Variants in CEP170 observed in about 807,000 individuals in gnomAD.
CEP170 encodes centrosomal protein 170.
A neutral mutation model predicts 151.9 loss-of-function variants in CEP170; 21 were observed. The observed-to-expected ratio is 0.14, with a 90% CI of 0.10 to 0.20. The LOEUF (loss-of-function observed/expected upper bound fraction) is 0.20. Ranked by LOEUF, CEP170 falls within the 10% of genes least tolerant of loss-of-function variation. CEP170 has a pLI of 1.00. For missense variants in CEP170, 964 were observed against 1,892.9 expected, an observed-to-expected ratio of 0.51 and a Z score of 9.11; for synonymous variants, 356 against 648.8, an observed-to-expected ratio of 0.55 and a Z score of 6.86.
chr1:243,147,508 T>C (rs1435413663), intron 14 of CEP170, among the ~76,000 whole-genome samples: 3 of 152,202 alleles, frequency 2.0e-5, no homozygotes, highest in Non-Finnish European at 4.4e-5. Context: ...TAAGGTTTCC[T>C]AGAAATGTGA....
chr1:243,212,275 A>G (rs1009956987), intron 3 of CEP170, among the ~76,000 whole-genome samples: 1 of 152,222 alleles, frequency 6.6e-6, no homozygotes, highest in South Asian at 2.1e-4. Flanking sequence ...AAAGGGTAAA[A>G]TATTTAACTG....
chr1:243,166,353 C>T (rs1282601041), intron 12 of CEP170, among the ~76,000 whole-genome samples: 1 of 152,108 alleles, frequency 6.6e-6, no homozygotes, highest in Admixed American at 6.5e-5. Context: ...CTTATAATAC[C>T]TAATACAATG....
intron 15 of CEP170, among the ~76,000 whole-genome samples, chr1:243,140,919 G>T (rs1276586428): frequency 6.6e-6 from 1 of 152,154 alleles, no homozygotes; most frequent in Non-Finnish European, 1.5e-5. Flanking sequence ...GAAGAATTGT[G>T]TATGTCTTGC....
chr1:243,166,659 G>A (rs965385298), intron 12 of CEP170: 3 of 152,114 alleles, frequency 2.0e-5, no homozygotes, highest in Non-Finnish European at 4.4e-5. Context: ...GCACAAATAA[G>A]CAATTCCTAG....
intron 13 of CEP170, chr1:243,163,054 A>G (rs1273415080): frequency 6.6e-6 from 1 of 152,168 alleles, no homozygotes; most frequent in Non-Finnish European, 1.5e-5. Context: ...AGTGACCATC[A>G]TTACCAAACC....
intron 17 of CEP170, among the ~76,000 whole-genome samples, chr1:243,132,107 C>T (rs2054490247): frequency 6.6e-6 from 1 of 152,148 alleles, no homozygotes; most frequent in Admixed American, 6.5e-5. Flanking sequence ...AGTGTTCATA[C>T]AATGTAAGTA....
chr1:243,213,690 G>A (rs2062014937), intron 3 of CEP170, among the ~76,000 whole-genome samples: 1 of 152,114 alleles, frequency 6.6e-6, no homozygotes, highest in Admixed American at 6.5e-5. Flanking sequence ...GAATCTGAAT[G>A]ATTTTGGGTT....
chr1:243,159,126 A>G (rs905701588), intron 13 of CEP170, among the ~76,000 whole-genome samples: 3 of 152,208 alleles, frequency 2.0e-5, no homozygotes, highest in African/African-American at 7.2e-5. Flanking sequence ...TTAAAAAGTA[A>G]AAGGTAACAT....
In CEP170 at chr1:243,129,380, T is replaced by C. The variant is rs1190898884; in HGVS notation, c.4393A>G (p.Ile1465Val). ...TATACCATGCTTGAGGTTTTCACAATAGGGACTTCACTTTCGGCTCTTAAT... is the reference window on the plus strand; with the variant it reads ...TATACCATGCTTGAGGTTTTCACAACAGGGACTTCACTTTCGGCTCTTAAT... ...SKLRAESEVP[I>V]VKTSSMEISS... Residue 1465 changes from isoleucine to valine, a missense_variant, in exon 18 of 20, where the codon ATT (isoleucine) becomes GTT (valine). Coordinates refer to ENST00000366542, the MANE Select transcript of CEP170 (RefSeq NM_014812.3). 6 of 1,596,572 alleles carry C rather than the reference T, an allele frequency of 3.8e-6. No homozygotes were observed. The highest frequency in any genetic ancestry group is 5.1e-6 in the Non-Finnish European group (6 of 1,171,052).
At chr1:243,194,256 GCAAA>G (rs998438972) in intron 7 of CEP170, among the ~76,000 whole-genome samples, 2 of 151,794 alleles carry the variant, frequency 1.3e-5, no homozygotes, top group African/African-American at 2.4e-5. Flanking sequence ...AGTATATAGG[GCAAA>G]CAGTCTTATA....
In CEP170 at chr1:243,185,643, G is replaced by A. The variant is rs147366926; in HGVS notation, c.1566+136C>T. Reference sequence around the variant, plus strand: ...CATGTTGGTCTTACTGTTAAGTCTTGCAGTTCCCTAACAAAACCCTAAAAT... The same window carrying A: ...CATGTTGGTCTTACTGTTAAGTCTTACAGTTCCCTAACAAAACCCTAAAAT... On this transcript the variant is annotated intron_variant, in intron 10 of 19. Transcript: ENST00000366542. This position sits in a 1 kb window ranked among gnomAD's most constrained non-coding sequence, Gnocchi z 4.9. 397 of 1,230,898 alleles carry A rather than the reference G, an allele frequency of 3.2e-4. No homozygotes were observed. In the African/African-American group the frequency reaches 5.2e-3, roughly 16 times the overall value. The allele number at this position is 1,230,898 out of a possible 1,614,324, so 76.2% of individuals were successfully genotyped here. A position where few individuals can be genotyped will look rare whatever the true frequency, so the allele number is the denominator to read the frequency against.
At chr1:243,136,895 T>A (rs1212332142) in intron 16 of CEP170, among the ~76,000 whole-genome samples, 2 of 152,064 alleles carry the variant, frequency 1.3e-5, no homozygotes, top group Non-Finnish European at 2.9e-5. Flanking sequence ...AAGAGTCTAG[T>A]GGGAAACACA....
chr1:243,255,607 T>G (rs1337160211), upstream of CEP170, among the ~76,000 whole-genome samples: 1 of 152,248 alleles, frequency 6.6e-6, no homozygotes, highest in Non-Finnish European at 1.5e-5. Context: ...AGAGCTTCTA[T>G]TTCTTGAAGA....
Position 243,131,804 on chromosome 1 carries a change from A to G in CEP170, c.4320-2351T>C, listed in dbSNP as rs1019358981. On this transcript the variant is annotated intron_variant, in intron 17 of 19. Transcript: ENST00000366542. Reference sequence around the variant, plus strand: ...AAGCTAAACTTCAGCATGAAAATACATAAAATTCCAAAGCTTATTTCATTC... The same window carrying G: ...AAGCTAAACTTCAGCATGAAAATACGTAAAATTCCAAAGCTTATTTCATTC... Among the ~76,000 whole-genome samples, 4 of 152,342 alleles carry G rather than the reference A, an allele frequency of 2.6e-5. No individual in the cohort carries two copies. In the East Asian group the frequency reaches 7.7e-4, roughly 29 times the overall value.
In CEP170 at chr1:243,231,190, CATTATT is replaced by C. The variant is rs201548693; in HGVS notation, c.-41-5875_-41-5870del. ...TCATCATCATCATCATCATCATCAT[CATTATT>C]ATTATTATTATCATCATTATTATTT... On this transcript the variant is annotated intron_variant, in intron 1 of 19. Coordinates refer to ENST00000366542, the MANE Select transcript of CEP170 (RefSeq NM_014812.3). Among the ~76,000 whole-genome samples, 457 of 124,946 alleles carry C rather than the reference CATTATT, an allele frequency of 3.7e-3. 2 individuals are homozygous for C. Among genetic ancestry groups the C allele is most frequent in the East Asian group, 9.4e-3 (40 of 4,252 alleles). 82.0% of individuals were successfully genotyped at this position (124,946 alleles called of 152,430 possible). A position where few individuals can be genotyped will look rare whatever the true frequency, so the allele number is the denominator to read the frequency against.
intron 1 of CEP170, among the ~76,000 whole-genome samples, chr1:243,238,405 G>A (rs910584766): frequency 6.6e-6 from 1 of 152,112 alleles, no homozygotes; most frequent in Admixed American, 6.5e-5. Context: ...GATGCAGTGA[G>A]CCAAGACTGT....
In CEP170 at chr1:243,156,405, C is replaced by T; in HGVS notation, c.3727G>A (p.Asp1243Asn). 4 of 1,553,176 alleles carry T rather than the reference C, an allele frequency of 2.6e-6. No individual in the cohort carries two copies. Among genetic ancestry groups the T allele is most frequent in the Non-Finnish European group, 3.5e-6 (4 of 1,148,012 alleles). The change falls in exon 14 of 20, where the codon GAT (aspartate) becomes AAT (asparagine). Residue 1243 changes from aspartate (D) to asparagine (N), a missense_variant. Transcript: ENST00000366542. ...FPTDYASTSEDEFGSNRNSPK... is the reference protein window; with the variant it reads ...FPTDYASTSENEFGSNRNSPK... ...GAATTACGGTTTGATCCAAATTCAT[C>T]TTCTGAGGTGGAAGCATAATCAGTA...
intron 4 of CEP170, among the ~76,000 whole-genome samples, chr1:243,205,540 C>T (rs1426789904): frequency 1.3e-5 from 2 of 152,124 alleles, no homozygotes; most frequent in Non-Finnish European, 2.9e-5. Flanking sequence ...TTTACTGACC[C>T]CCCACAGTAG....
At chr1:243,159,769 G>GTGTA (rs1042957193) in intron 13 of CEP170, among the ~76,000 whole-genome samples, 8 of 149,012 alleles carry the variant, frequency 5.4e-5, no homozygotes, top group African/African-American at 2.0e-4. Flanking sequence ...GGTTTTGTGT[G>GTGTA]TGTGTGTGTG....
Sources: gnomAD v4.1 joint callset for allele counts (sites outside exome capture counted in the v4.1 genomes callset) on GRCh38, gnomAD v4.1.1 for gene constraint, Gnocchi (gnomAD v3.1) non-coding constraint, MANE v1.5 for transcripts, NCBI Gene and HGNC (gene_info 2026-07-23, HGNC 2026-07-21) for gene names.